Variants in ADAT2 observed in about 807,000 individuals in gnomAD.
ADAT2 encodes tRNA-specific adenosine-34 deaminase catalytic subunit ADAT2.
ADAT2 carries 26 observed loss-of-function variants against 25.9 expected under a neutral mutation model. The ratio of observed to expected loss-of-function variants is 1.00; its 90% CI spans 0.74 to 1.39. ADAT2 has a LOEUF of 1.39. ADAT2 is among the 40% of genes most tolerant of loss of function. The pLI, the probability that ADAT2 is intolerant of heterozygous loss-of-function variation, is 0.00. For synonymous variants in ADAT2, 76 were observed against 86.8 expected (o/e 0.88, Z 0.69); for missense variants, 220 against 244.8 (o/e 0.90, Z 0.68).
In ADAT2 at chr6:143,434,400, A is replaced by G. The variant is rs369351535; in HGVS notation, c.202-419T>C. Among the ~76,000 whole-genome samples, 7 of 152,356 alleles carry G rather than the reference A, an allele frequency of 4.6e-5. No homozygotes were observed. The highest frequency in any genetic ancestry group is 7.2e-5 in the African/African-American group (3 of 41,596). ...CAAGGCTGTCACTGACCTCACTCCA[A>G]GCAAATCTACATTAAGTTCACTGGA... On this transcript the variant is annotated intron_variant, in intron 2 of 5. Coordinates refer to ENST00000237283, the MANE Select transcript of ADAT2 (RefSeq NM_182503.3). The surrounding 1 kb of genome is among the most constrained non-coding windows in gnomAD (Gnocchi z 4.5).
chr6:143,445,669 C>T (rs1562645286), intron 1 of ADAT2, among the ~76,000 whole-genome samples: 1 of 152,162 alleles, frequency 6.6e-6, no homozygotes, highest in Non-Finnish European at 1.5e-5. Context: ...CCAACCTTTT[C>T]ATCTGTGCCT....
Position 143,446,486 on chromosome 6 carries a change from A to G in ADAT2, c.96+4077T>C, listed in dbSNP as rs1004653407. On this transcript the variant is annotated intron_variant, in intron 1 of 5. Transcript: ENST00000237283. This position sits in a 1 kb window ranked among gnomAD's most constrained non-coding sequence, Gnocchi z 5.0. Reference sequence around the variant, plus strand: ...ATTTATTCCTAGAAACAGCTGTAAAATACAAAGAGCTCCTACAGTGCGATT... The same window carrying G: ...ATTTATTCCTAGAAACAGCTGTAAAGTACAAAGAGCTCCTACAGTGCGATT... Among the ~76,000 whole-genome samples the G allele has an allele frequency of 1.3e-5, 2 of 152,204 alleles. No individual in the cohort carries two copies. The highest frequency in any genetic ancestry group is 2.9e-5 in the Non-Finnish European group (2 of 68,030).
chr6:143,427,700 A>C lies in ADAT2; in HGVS notation c.*763T>G, dbSNP rs1324766751. On this transcript the variant is annotated 3_prime_UTR_variant, in exon 6 of 6. Coordinates refer to ENST00000237283, the MANE Select transcript of ADAT2 (RefSeq NM_182503.3). Reference sequence around the variant, plus strand: ...TGTCCTCCAATAAACTGTGTAATCTATCATATCCATCTCCCCTTGCTAGAA... The same window carrying C: ...TGTCCTCCAATAAACTGTGTAATCTCTCATATCCATCTCCCCTTGCTAGAA... 2.0e-5 allele frequency: 3 copies of C among 152,160 alleles called. No individual in the cohort carries two copies. Among genetic ancestry groups the C allele is most frequent in the Non-Finnish European group, 4.4e-5 (3 of 68,032 alleles). The allele number at this position is 152,160 out of a possible 1,614,324, so 9.4% of individuals were successfully genotyped here.
intron 2 of ADAT2, 117 bp downstream of exon 2, chr6:143,438,473 C>T (rs747333027): frequency 5.0e-6 from 3 of 595,904 alleles, no homozygotes; most frequent in Non-Finnish European, 8.5e-6. Flanking sequence ...AAAAGCTACC[C>T]ACCACTGGCA....
rs68003531 is a variant in ADAT2, at chr6:143,427,096, A to AACACACACAC, written c.*1357_*1366dup. The stretch of plus-strand genomic sequence containing the variant: ...CCATAAAACTTTTCAAATGCAGTTA[A>AACACACACAC]ACACACACACACACACACACACACA... On this transcript the variant is annotated 3_prime_UTR_variant, in exon 6 of 6. Transcript: ENST00000237283. 704 of 140,264 alleles carry AACACACACAC rather than the reference A, an allele frequency of 5.0e-3. 6 individuals carry two copies. Among genetic ancestry groups the AACACACACAC allele is most frequent in the African/African-American group, 0.012 (456 of 37,806 alleles). The allele number at this position is 140,264 out of a possible 1,614,324, so 8.7% of individuals were successfully genotyped here.
intron 4 of ADAT2, among the ~76,000 whole-genome samples, chr6:143,430,711 G>T (rs770723053): frequency 6.6e-6 from 1 of 151,756 alleles, no homozygotes; most frequent in Non-Finnish European, 1.5e-5. Flanking sequence ...GATCACAGGC[G>T]CCCGCCACCA....
intron 4 of ADAT2, among the ~76,000 whole-genome samples, chr6:143,429,976 G>C (rs576494125): frequency 6.2e-4 from 95 of 152,222 alleles, no homozygotes; most frequent in Non-Finnish European, 9.1e-4. Context: ...TCACTGGCTT[G>C]AGTTCCCAGC....
In ADAT2 at chr6:143,440,673, C is replaced by T. The variant is rs186756861; in HGVS notation, c.97-1979G>A. On this transcript the variant is annotated intron_variant, in intron 1 of 5. Coordinates refer to ENST00000237283, the MANE Select transcript of ADAT2 (RefSeq NM_182503.3). The surrounding 1 kb of genome is among the most constrained non-coding windows in gnomAD (Gnocchi z 4.5). ...CAAGTTCAAAAGGCTTGAAGAGTCC[C>T]GAGGTTTGGTTAATATAGACAAATG... Among the ~76,000 whole-genome samples, 97 of 152,136 alleles carry T rather than the reference C, an allele frequency of 6.4e-4. No individual in the cohort carries two copies. The highest frequency in any genetic ancestry group is 1.2e-3 in the Non-Finnish European group (82 of 68,004).
intron 1 of ADAT2, among the ~76,000 whole-genome samples, chr6:143,450,242 A>T (rs1273017523): frequency 6.6e-6 from 1 of 152,090 alleles, no homozygotes; most frequent in Non-Finnish European, 1.5e-5. Context: ...AAATAATGTG[A>T]CTTTGTAGAT....
intron 1 of ADAT2, among the ~76,000 whole-genome samples, chr6:143,447,171 T>C (rs762614301): frequency 6.6e-6 from 1 of 152,220 alleles, no homozygotes; most frequent in Non-Finnish European, 1.5e-5. Flanking sequence ...CCAGTGGTTA[T>C]ATGTGGGTGC....
At position 143,424,208 on chromosome 6, in the gene ADAT2, T is replaced by C. The variant is rs1012117811; in HGVS notation, c.*4255A>G. 1.5e-4 allele frequency: 23 copies of C among 152,236 alleles called. No individual in the cohort carries two copies. Among genetic ancestry groups the C allele is most frequent in the African/African-American group, 5.5e-4 (23 of 41,460 alleles). 9.4% of individuals were successfully genotyped at this position (152,236 alleles called of 1,614,324 possible). ...AATTTACAAAGGAAATAGTTGGCAG[T>C]TGTCTTCATAGATGAAGTCAATGTA... On this transcript the variant is annotated 3_prime_UTR_variant, in exon 6 of 6. Transcript: ENST00000237283. This position sits in a 1 kb window ranked among gnomAD's most constrained non-coding sequence, Gnocchi z 4.8.
intron 1 of ADAT2, among the ~76,000 whole-genome samples, chr6:143,438,965 C>G (rs1238451143): frequency 6.6e-6 from 1 of 152,176 alleles, no homozygotes; most frequent in Non-Finnish European, 1.5e-5. Context: ...TCAAAGGAGA[C>G]TGTGACTGAC....
chr6:143,445,005 T>C, intron 1 of ADAT2: 3 of 1,264,314 alleles, frequency 2.4e-6, no homozygotes, highest in Non-Finnish European at 2.1e-6. Context: ...ACAAACAAGT[T>C]AGCCAGAACT....
In ADAT2 at chr6:143,425,197, C is replaced by T. The variant is rs1778892264; in HGVS notation, c.*3266G>A. ...CAATGTCATAAAAGACAAAGAAAGCCAGTGAAAATGTTCTAGACTAAAAGA... is the reference window on the plus strand; with the variant it reads ...CAATGTCATAAAAGACAAAGAAAGCTAGTGAAAATGTTCTAGACTAAAAGA... On this transcript the variant is annotated 3_prime_UTR_variant, in exon 6 of 6. Transcript: ENST00000237283. 2 of 151,862 alleles carry T rather than the reference C, an allele frequency of 1.3e-5. No homozygotes were observed. Among genetic ancestry groups the T allele is most frequent in the African/African-American group, 2.4e-5 (1 of 41,328 alleles). 9.4% of individuals were successfully genotyped at this position (151,862 alleles called of 1,614,324 possible).
intron 4 of ADAT2, among the ~76,000 whole-genome samples, chr6:143,431,937 G>A (rs908845427): frequency 2.0e-5 from 3 of 152,112 alleles, no homozygotes; most frequent in Non-Finnish European, 4.4e-5. Context: ...AAGATTAAAC[G>A]GAAAGGAGAA....
chr6:143,448,213 G>A (rs924461322), intron 1 of ADAT2, among the ~76,000 whole-genome samples: 1 of 151,948 alleles, frequency 6.6e-6, no homozygotes, highest in African/African-American at 2.4e-5. Context: ...AGAACACTTG[G>A]ACACAGGGTG....
At position 143,438,695 on chromosome 6, in the gene ADAT2, C is replaced by T; in HGVS notation, c.97-1G>A. 2 of 1,612,262 alleles carry T rather than the reference C, an allele frequency of 1.2e-6. No individual in the cohort carries two copies. The highest frequency in any genetic ancestry group is 2.2e-5 in the South Asian group (2 of 91,040). ...CAGTATTTTCGAGGGCTTCTTTGGC[C>T]TGAAACACAAAGTGGAAAATGTAAG... On this transcript the variant is annotated splice_acceptor_variant, in intron 1 of 5. Transcript: ENST00000237283. LOFTEE classifies it high-confidence loss of function.
At position 143,450,669 on chromosome 6, in the gene ADAT2, C is replaced by T. The variant is rs1337544577; in HGVS notation, c.-11G>A. 5.0e-6 allele frequency: 8 copies of T among 1,612,620 alleles called. No homozygotes were observed. In the South Asian group the frequency reaches 8.8e-5, roughly 18 times the overall value. On this transcript the variant is annotated 5_prime_UTR_variant, in exon 1 of 6. Transcript: ENST00000237283. The stretch of plus-strand genomic sequence containing the variant: ...CGCCTTCGCCTCCATACCCAGCCAC[C>T]ACTCAGCTACAGAGCCCGCGGCAGA...
chr6:143,430,313 T>C (rs568750673), intron 4 of ADAT2, among the ~76,000 whole-genome samples: 4 of 152,084 alleles, frequency 2.6e-5, no homozygotes, highest in Non-Finnish European at 5.9e-5. Flanking sequence ...GGAGAACCAG[T>C]TGGAACTCTC....
Sources: allele counts gnomAD v4.1 joint callset (sites outside exome capture counted in the v4.1 genomes callset), GRCh38; gene constraint gnomAD v4.1.1; non-coding constraint Gnocchi (gnomAD v3.1); transcripts MANE v1.5; gene names NCBI Gene and HGNC (gene_info 2026-07-23, HGNC 2026-07-21).